The following GABRA5 variants were observed in gnomAD, a reference collection of about 807,000 sequenced individuals.
GABRA5 encodes the protein gamma-aminobutyric acid receptor subunit alpha-5.
GABRA5 carries 18 observed loss-of-function variants against 47.3 expected under a neutral mutation model. The observed-to-expected ratio is 0.38, with a 90% CI of 0.26 to 0.56. The LOEUF (loss-of-function observed/expected upper bound fraction) is 0.56. GABRA5 is among the 20% of genes least tolerant of loss of function. The probability of loss-of-function intolerance (pLI) is 0.71; values close to 1 mark genes in which losing one functional copy is unlikely to be tolerated. For missense variants in GABRA5, 365 were observed against 599.3 expected, an observed-to-expected ratio of 0.61 and a Z score of 4.08; for synonymous variants, 237 against 229.3, an observed-to-expected ratio of 1.03 and a Z score of -0.30.
At position 26,915,283 on chromosome 15, in the gene GABRA5, G is replaced by A. The variant is rs531321846; in HGVS notation, c.580+398G>A. Among the ~76,000 whole-genome samples the A allele has an allele frequency of 2.0e-5, 3 of 152,150 alleles. No individual in the cohort carries two copies. In the South Asian group the frequency reaches 6.2e-4, roughly 32 times the overall value. On this transcript the variant is annotated intron_variant, in intron 7 of 10. Coordinates refer to ENST00000335625, the MANE Select transcript of GABRA5 (RefSeq NM_000810.4). ...TTTTTATTGTGCTGTAATCATTGCT[G>A]TGTTGACTCACTTCTTCTAGAATGT... is the stretch of plus-strand genomic sequence containing the variant.
chr15:26,896,267 T>G (rs1893192012), intron 6 of GABRA5, among the ~76,000 whole-genome samples: 1 of 152,184 alleles, frequency 6.6e-6, no homozygotes, highest in South Asian at 2.1e-4. Context: ...AAGAGGTGTA[T>G]GAAATAGCAC....
At chr15:26,931,837 C>T (rs1412591294) in intron 7 of GABRA5, among the ~76,000 whole-genome samples, 1 of 152,158 alleles carries the variant, frequency 6.6e-6, no homozygotes, top group Non-Finnish European at 1.5e-5. Context: ...GAAGCCTCAT[C>T]TGGGGAAGTG....
At chr15:26,908,271 A>G (rs563010545) in intron 6 of GABRA5, among the ~76,000 whole-genome samples, 2 of 152,198 alleles carry the variant, frequency 1.3e-5, no homozygotes, top group East Asian at 1.9e-4. Flanking sequence ...CACTCATAGC[A>G]CAAACTATGC....
At chr15:26,939,237 C>G (rs993395686) in intron 8 of GABRA5, 1 of 765,280 alleles carries the variant, frequency 1.3e-6, no homozygotes, top group Non-Finnish European at 2.4e-6. Flanking sequence ...AGCTCCTTAC[C>G]AGTTCACCGT....
chr15:26,892,780 C>G (rs1893040212), intron 6 of GABRA5, among the ~76,000 whole-genome samples: 1 of 152,148 alleles, frequency 6.6e-6, no homozygotes, highest in Non-Finnish European at 1.5e-5. Flanking sequence ...GGGATGGAAT[C>G]AGCTGAAGGG....
intron 7 of GABRA5, among the ~76,000 whole-genome samples, chr15:26,932,202 A>G (rs1441342465): frequency 1.3e-5 from 2 of 152,206 alleles, no homozygotes; most frequent in Non-Finnish European, 2.9e-5. Flanking sequence ...ATGAGAGAAC[A>G]TTTTTGCAAG....
chr15:26,937,118 GCTT>G, intron 7 of GABRA5, 64 bp from the exon 8 acceptor site: 1 of 1,569,138 alleles, frequency 6.4e-7, no homozygotes, highest in Non-Finnish European at 8.8e-7. Context: ...TTTAGTAAAA[GCTT>G]CTGTGTTTTC....
chr15:26,926,661 T>C lies in GABRA5; in HGVS notation c.581-10524T>C, dbSNP rs1187122238. ...GAAAGAAAATTACTTGTTTATATCCTCAGAGGAAGTGGAGTTGTACAACTT... is the reference window on the plus strand; with the variant it reads ...GAAAGAAAATTACTTGTTTATATCCCCAGAGGAAGTGGAGTTGTACAACTT... On this transcript the variant is annotated intron_variant, in intron 7 of 10. Transcript: ENST00000335625. 5.3e-5 allele frequency among the ~76,000 whole-genome samples: 8 copies of C among 151,706 alleles called. No individual in the cohort carries two copies. In the East Asian group the frequency reaches 1.6e-3, roughly 30 times the overall value.
At chr15:26,932,320 A>G (rs967701405) in intron 7 of GABRA5, among the ~76,000 whole-genome samples, 1 of 152,218 alleles carries the variant, frequency 6.6e-6, no homozygotes, top group African/African-American at 2.4e-5. Context: ...ATGAACAGAC[A>G]ATTCTCAAAA....
At chr15:26,868,433 G>C (rs1329529934) in intron 1 of GABRA5, among the ~76,000 whole-genome samples, 1 of 152,298 alleles carries the variant, frequency 6.6e-6, no homozygotes, top group Non-Finnish European at 1.5e-5. Flanking sequence ...CATACTGTTC[G>C]GATGCCTGTG....
intron 4 of GABRA5, 84 bp downstream of exon 4, chr15:26,881,051 A>C: frequency 6.8e-7 from 1 of 1,461,154 alleles, no homozygotes; most frequent in Non-Finnish European, 9.2e-7. Context: ...GCGCTGATTC[A>C]AACAATTCCT....
At chr15:26,938,211 G>A (rs941690528) in intron 8 of GABRA5, among the ~76,000 whole-genome samples, 7 of 152,202 alleles carry the variant, frequency 4.6e-5, no homozygotes, top group African/African-American at 1.2e-4. Flanking sequence ...GTTGACCCAT[G>A]GGCCTGCGCG....
At chr15:26,874,121 G>C (rs1032279256) in intron 3 of GABRA5, among the ~76,000 whole-genome samples, 1 of 152,060 alleles carries the variant, frequency 6.6e-6, no homozygotes, top group East Asian at 1.9e-4. Context: ...GTGGGCTTTC[G>C]GGTTTTTACA....
chr15:26,906,306 A>G (rs1012652133), intron 6 of GABRA5, among the ~76,000 whole-genome samples: 3 of 152,220 alleles, frequency 2.0e-5, no homozygotes, highest in African/African-American at 7.2e-5. Context: ...TTTAAAAACC[A>G]AAACAATAAA....
In GABRA5 at chr15:26,892,197, A is replaced by G. The variant is rs370546277; in HGVS notation, c.497+8640A>G. Among the ~76,000 whole-genome samples, 13 of 152,370 alleles carry G rather than the reference A, an allele frequency of 8.5e-5. No homozygotes were observed. In the South Asian group the frequency reaches 1.7e-3, roughly 19 times the overall value. On this transcript the variant is annotated intron_variant, in intron 6 of 10. Transcript: ENST00000335625. ...ACTCCTATGATTTGCACTGTCTGAA[A>G]CGGTGACTAGACATTTATCACACTT...
intron 6 of GABRA5, among the ~76,000 whole-genome samples, chr15:26,902,953 T>C (rs2140281332): frequency 6.6e-6 from 1 of 152,320 alleles, no homozygotes. Context: ...TAATTGATTT[T>C]TGTTTTTTAA....
intron 6 of GABRA5, among the ~76,000 whole-genome samples, chr15:26,907,994 G>C (rs911211249): frequency 1.3e-5 from 2 of 152,156 alleles, no homozygotes; most frequent in African/African-American, 4.8e-5. Flanking sequence ...GGGGAGAAAA[G>C]TCTAGCCAGG....
In GABRA5 at chr15:26,880,986, G is replaced by C; in HGVS notation, c.208+19G>C. 6.2e-7 allele frequency: 1 copy of C among 1,612,812 alleles called. No individual in the cohort carries two copies. The highest frequency in any genetic ancestry group is 8.5e-7 in the Non-Finnish European group (1 of 1,179,406). On this transcript the variant is annotated intron_variant, in intron 4 of 10. Transcript: ENST00000335625. The stretch of plus-strand genomic sequence containing the variant: ...CTGGGAGGTGAGTGTGCTCTCCTCA[G>C]CTGAGCCCAGCAAGGATCCAGGAAG...
In GABRA5 at chr15:26,940,495, C is replaced by T. The variant is rs139680718; in HGVS notation, c.877+418C>T. Among the ~76,000 whole-genome samples the T allele has an allele frequency of 5.3e-5, 8 of 152,060 alleles. No homozygotes were observed. The East Asian group carries it at 9.7e-4, about 18-fold the overall frequency. Reference sequence around the variant, plus strand: ...GTTGAGCATCCCTAATCTGAAAATCCGAAATGAGCTCCACGGAGCATTTTC... The same window carrying T: ...GTTGAGCATCCCTAATCTGAAAATCTGAAATGAGCTCCACGGAGCATTTTC... On this transcript the variant is annotated intron_variant, in intron 9 of 10. Transcript: ENST00000335625.
Sources: gnomAD v4.1 joint callset for allele counts (sites outside exome capture counted in the v4.1 genomes callset) on GRCh38, gnomAD v4.1.1 for gene constraint, MANE v1.5 for transcripts, NCBI Gene and HGNC (gene_info 2026-07-23, HGNC 2026-07-21) for gene names.